CHRM5: variants seen among roughly 807,000 people sequenced by gnomAD.
CHRM5 encodes muscarinic acetylcholine receptor M5.
A neutral mutation model predicts 39.0 loss-of-function variants in CHRM5; 18 were observed. The observed-to-expected ratio is 0.46, with a 90% CI of 0.32 to 0.68. The LOEUF is 0.68. Among genes scored for constraint, CHRM5 ranks in the 30% least tolerant of loss-of-function variants. The pLI is 0.04. For missense variants in CHRM5, 515 were observed against 651.1 expected (o/e 0.79, Z 2.28); for synonymous variants, 241 against 246.3 (o/e 0.98, Z 0.20).
intron 1 of CHRM5, among the ~76,000 whole-genome samples, chr15:34,000,348 C>T (rs1315622131): frequency 6.6e-6 from 1 of 152,188 alleles, no homozygotes; most frequent in East Asian, 1.9e-4. Flanking sequence ...ATAGCTGGAA[C>T]AATGGGTACT....
intron 1 of CHRM5, among the ~76,000 whole-genome samples, chr15:33,975,188 A>T (rs1255290115): frequency 6.6e-6 from 1 of 152,142 alleles, no homozygotes; most frequent in Non-Finnish European, 1.5e-5. Flanking sequence ...CTTCTTGGAC[A>T]CCTTCTAAGA....
intron 1 of CHRM5, among the ~76,000 whole-genome samples, chr15:33,976,630 A>G (rs1895900724): frequency 6.6e-6 from 1 of 152,214 alleles, no homozygotes; most frequent in African/African-American, 2.4e-5. Context: ...AAGTATCAGG[A>G]ATAGGACCTT....
chr15:33,982,157 A>C (rs1054171640), intron 1 of CHRM5, among the ~76,000 whole-genome samples: 2 of 151,900 alleles, frequency 1.3e-5, no homozygotes, highest in African/African-American at 4.8e-5. Flanking sequence ...ATGAACCACC[A>C]CACCCAGCAC....
intron 1 of CHRM5, among the ~76,000 whole-genome samples, chr15:34,037,352 T>C (rs1048850126): frequency 5.3e-5 from 8 of 151,860 alleles, no homozygotes; most frequent in African/African-American, 1.7e-4. Flanking sequence ...CACGAAAAAG[T>C]AAGAGATAAA....
chr15:34,039,385 TAAAA>T (rs984283789), intron 1 of CHRM5, among the ~76,000 whole-genome samples: 7 of 143,386 alleles, frequency 4.9e-5, no homozygotes, highest in Non-Finnish European at 9.1e-5. Context: ...AGTCATAAAA[TAAAA>T]TTTGTATGAT....
intron 1 of CHRM5, chr15:34,018,366 C>A (rs1186766246): frequency 6.6e-6 from 1 of 151,848 alleles, no homozygotes; most frequent in Non-Finnish European, 1.5e-5. Context: ...GATGGTGTGT[C>A]CAGAGTTTGT....
At chr15:34,054,551 T>C (rs1900056121) in intron 2 of CHRM5, among the ~76,000 whole-genome samples, 1 of 152,116 alleles carries the variant, frequency 6.6e-6, no homozygotes, top group South Asian at 2.1e-4. Flanking sequence ...TTGGAAGCTA[T>C]TACCCTGAGC....
intron 2 of CHRM5, among the ~76,000 whole-genome samples, chr15:34,055,797 T>A (rs1164600305): frequency 6.6e-6 from 1 of 151,954 alleles, no homozygotes; most frequent in East Asian, 1.9e-4. Context: ...CAAGACTCTG[T>A]CACAAAAAAT....
chr15:34,053,316 A>T (rs1203337994), intron 2 of CHRM5, among the ~76,000 whole-genome samples: 2 of 105,874 alleles, frequency 1.9e-5, no homozygotes, highest in African/African-American at 7.1e-5. Context: ...AAAAAAAAAA[A>T]AAAATATATA....
intron 1 of CHRM5, among the ~76,000 whole-genome samples, chr15:33,998,871 G>A (rs1430715596): frequency 1.3e-5 from 2 of 152,234 alleles, no homozygotes; most frequent in Middle Eastern, 3.4e-3. Flanking sequence ...TACTTCTCTA[G>A]GTAATAACTC....
In CHRM5 at chr15:34,028,649, A is replaced by G. The variant is rs942780974; in HGVS notation, c.-407-17891A>G. The stretch of plus-strand genomic sequence containing the variant: ...GGCAAAGTGACTATAAATATAGTAA[A>G]TATATTGTGTTCATCTAATGTCAGT... On this transcript the variant is annotated intron_variant, in intron 1 of 2. Transcript: ENST00000383263. Among the ~76,000 whole-genome samples, 9 of 152,338 alleles carry G rather than the reference A, an allele frequency of 5.9e-5. No individual in the cohort carries two copies. The East Asian group carries it at 1.7e-3, about 29-fold the overall frequency.
chr15:33,991,132 C>T, intron 1 of CHRM5: 2 of 152,150 alleles, frequency 1.3e-5, no homozygotes, highest in East Asian at 3.8e-4. Context: ...AGGACAAGCA[C>T]TAAATATTCA....
intron 1 of CHRM5, among the ~76,000 whole-genome samples, chr15:34,001,019 A>AT (rs562045179): frequency 0.073 from 10,050 of 136,752 alleles, 1,088 homozygotes; most frequent in African/African-American, 0.23. Context: ...TTGGACTAGA[A>AT]TTTTTTTTTT....
intron 2 of CHRM5, 75 bp from the exon 3 acceptor site, chr15:34,062,568 A>C (rs1028430871): frequency 2.9e-6 from 2 of 689,170 alleles, no homozygotes; most frequent in African/African-American, 1.8e-5. Flanking sequence ...AAAAAAAAAA[A>C]AAAAAACTAT....
rs1218580846 is a variant in CHRM5 at position 33,991,626 on chromosome 15, C to A, written c.-408+22476C>A. The A allele has an allele frequency of 3.3e-5, 5 of 151,928 alleles. No homozygotes were observed. In the East Asian group the frequency reaches 5.8e-4, roughly 18 times the overall value. The allele number at this position is 151,928 out of a possible 1,614,324, so 9.4% of individuals were successfully genotyped here. The stretch of plus-strand genomic sequence containing the variant: ...GTAGAAAGCACCCACATATCCTTTT[C>A]TCAAATCATGGGGAAATAAAATGGA... On this transcript the variant is annotated intron_variant, in intron 1 of 2. Coordinates refer to ENST00000383263, the MANE Select transcript of CHRM5 (RefSeq NM_012125.4).
At position 34,063,968 on chromosome 15, in the gene CHRM5, C is replaced by G; in HGVS notation, c.1251C>G (p.Gly417=). The G allele has an allele frequency of 6.2e-7, 1 of 1,614,166 alleles. No homozygotes were observed. The highest frequency in any genetic ancestry group is 8.5e-7 in the Non-Finnish European group (1 of 1,180,028). ...TGGCCAAGGAACCTTCAACGAAAGG[C>G]CTCAATCCCAACCCCAGCCATCAAA... is the stretch of plus-strand genomic sequence containing the variant. ...FPVAKEPSTK[G]LNPNPSHQMT... Residue 417 remains glycine (G), a synonymous_variant, in exon 3 of 3, where the codon GGC becomes GGG. Transcript: ENST00000383263. The surrounding 1 kb of genome is among the most constrained non-coding windows in gnomAD (Gnocchi z 4.1).
At chr15:34,043,527 T>A (rs1353430654) in intron 1 of CHRM5, among the ~76,000 whole-genome samples, 1 of 152,214 alleles carries the variant, frequency 6.6e-6, no homozygotes, top group East Asian at 1.9e-4. Context: ...CATCTACTAC[T>A]GAGGGTGCTC....
At chr15:33,991,394 A>C (rs1387494271) in intron 1 of CHRM5, 1 of 152,176 alleles carries the variant, frequency 6.6e-6, no homozygotes, top group African/African-American at 2.4e-5. Flanking sequence ...GCTTGAGAGG[A>C]TGGATACCCA....
intron 1 of CHRM5, among the ~76,000 whole-genome samples, chr15:34,021,660 G>T (rs183464614): frequency 6.6e-6 from 1 of 152,138 alleles, no homozygotes; most frequent in Admixed American, 6.5e-5. Context: ...TTTGAGACCA[G>T]CCTGGCTAAA....
Sources: allele counts gnomAD v4.1 joint callset (sites outside exome capture counted in the v4.1 genomes callset), GRCh38; gene constraint gnomAD v4.1.1; non-coding constraint Gnocchi (gnomAD v3.1); transcripts MANE v1.5; gene names NCBI Gene and HGNC (gene_info 2026-07-23, HGNC 2026-07-21).